MAGI2: variants seen among roughly 807,000 people sequenced by gnomAD.
MAGI2 encodes membrane-associated guanylate kinase, WW and PDZ domain-containing protein 2.
MAGI2 carries 35 observed loss-of-function variants against 133.3 expected under a neutral mutation model. That is an observed-to-expected ratio of 0.26 (90% CI 0.20 to 0.35). MAGI2 has a LOEUF of 0.35. MAGI2 is among the 10% of genes least tolerant of loss of function. The pLI is 1.00. For missense variants in MAGI2, 1,636 were observed against 1,863.4 expected (o/e 0.88, Z 2.25); for synonymous variants, 729 against 710.6 (o/e 1.03, Z -0.41).
intron 1 of MAGI2, among the ~76,000 whole-genome samples, chr7:79,071,602 A>G (rs1020608014): frequency 1.3e-5 from 2 of 150,072 alleles, no homozygotes; most frequent in African/African-American, 2.5e-5. Context: ...TTTTATCTAT[A>G]AGTCCCTGAC....
Position 79,279,194 on chromosome 7 carries a change from C to CA in MAGI2, c.301+173825dup, listed in dbSNP as rs368814665. On this transcript the variant is annotated intron_variant, in intron 1 of 21. Coordinates refer to ENST00000354212, the MANE Select transcript of MAGI2 (RefSeq NM_012301.4). ...GAGTTTTTACAGGCTTCTCTCCTTA[C>CA]AAAAAACGTCCCTCACTTATTTCTA... 2.8e-3 allele frequency among the ~76,000 whole-genome samples: 420 copies of CA among 152,198 alleles called. 3 individuals are homozygous for CA. The highest frequency in any genetic ancestry group is 9.3e-3 in the African/African-American group (385 of 41,528).
intron 2 of MAGI2, among the ~76,000 whole-genome samples, chr7:78,812,586 ATG>A (rs10542588): frequency 0.53 from 79,548 of 149,238 alleles, 22,348 homozygotes; most frequent in Non-Finnish European, 0.64. Flanking sequence ...ATATGTATGT[ATG>A]TGTGTGTGTG....
chr7:78,526,964 C>T (rs542614640), intron 3 of MAGI2, among the ~76,000 whole-genome samples: 2 of 131,948 alleles, frequency 1.5e-5, no homozygotes, highest in South Asian at 2.4e-4. Context: ...GCCGAGATCA[C>T]GCCACTGCAC....
chr7:79,056,341 G>C (rs1403437096), intron 1 of MAGI2, among the ~76,000 whole-genome samples: 1 of 152,048 alleles, frequency 6.6e-6, no homozygotes, highest in Non-Finnish European at 1.5e-5. Context: ...ATTCCAGCCT[G>C]GTAGATTTTT....
At chr7:78,302,253 A>G (rs1797894270) in intron 9 of MAGI2, among the ~76,000 whole-genome samples, 1 of 152,204 alleles carries the variant, frequency 6.6e-6, no homozygotes, top group Admixed American at 6.5e-5. Context: ...TGCCAAACTC[A>G]GTAGACTATG....
At chr7:78,364,040 C>T (rs1352091245) in intron 7 of MAGI2, among the ~76,000 whole-genome samples, 1 of 152,104 alleles carries the variant, frequency 6.6e-6, no homozygotes, top group Non-Finnish European at 1.5e-5. Flanking sequence ...CTCCTCCCTC[C>T]TCCTTCTTCT....
In MAGI2 at chr7:79,453,202, T is replaced by C. The variant is rs1232760090; in HGVS notation, c.119A>G (p.Gln40Arg). 1 of 1,613,882 alleles carries C rather than the reference T, an allele frequency of 6.2e-7. No homozygotes were observed. Among genetic ancestry groups the C allele is most frequent in the Non-Finnish European group, 8.5e-7 (1 of 1,180,046 alleles). The change falls in exon 1 of 22, where the codon CAG becomes CGG. Residue 40 changes from glutamine to arginine, a missense_variant. Gln to Arg is a conservative substitution (Grantham distance 43). Around this residue, in one of 5 missense-constraint regions of MAGI2, gnomAD observed 148 missense variants for 239.0 expected, o/e 0.62. Coordinates refer to ENST00000354212, the MANE Select transcript of MAGI2 (RefSeq NM_012301.4). ...CTTCACCTCCCCCAGGTAGGGGAACTGTCCATTCTCGGCGCCCCCCTTCAG... is the reference window on the plus strand; with the variant it reads ...CTTCACCTCCCCCAGGTAGGGGAACCGTCCATTCTCGGCGCCCCCCTTCAG... ...FELKGGAENG[Q>R]FPYLGEVKPG...
intron 2 of MAGI2, among the ~76,000 whole-genome samples, chr7:78,685,740 G>A (rs1816228081): frequency 1.3e-5 from 2 of 151,678 alleles, no homozygotes; most frequent in South Asian, 4.2e-4. Flanking sequence ...GTAACTGATA[G>A]GTGATAGGGA....
intron 3 of MAGI2, among the ~76,000 whole-genome samples, chr7:78,608,819 TTTCTC>T (rs1391345869): frequency 1.3e-5 from 2 of 152,302 alleles, no homozygotes; most frequent in South Asian, 2.1e-4. Flanking sequence ...TATCACCCCT[TTTCTC>T]TGCTAGTTAG....
intron 5 of MAGI2, among the ~76,000 whole-genome samples, chr7:78,497,746 A>ATG (rs1794233544): frequency 8.6e-6 from 1 of 116,684 alleles, no homozygotes. Context: ...CTATCTATCT[A>ATG]TCTATCTATC....
intron 2 of MAGI2, among the ~76,000 whole-genome samples, chr7:78,777,647 C>T (rs1208586235): frequency 1.3e-5 from 2 of 152,144 alleles, no homozygotes; most frequent in African/African-American, 2.4e-5. Context: ...CTAGCTTTCA[C>T]CATTATTATT....
At chr7:78,991,748 G>T (rs551554426) in intron 2 of MAGI2, among the ~76,000 whole-genome samples, 2 of 152,032 alleles carry the variant, frequency 1.3e-5, no homozygotes, top group South Asian at 2.1e-4. Context: ...CACTGAGAAA[G>T]CTATGGATCC....
At chr7:78,328,532 C>CTCT (rs1554346588) in intron 9 of MAGI2, among the ~76,000 whole-genome samples, 21 of 133,790 alleles carry the variant, frequency 1.6e-4, no homozygotes, top group South Asian at 4.8e-4. Context: ...CACACACACC[C>CTCT]CTCTCTCTCT....
Position 79,230,016 on chromosome 7 carries a change from C to T in MAGI2, c.302-222810G>A, listed in dbSNP as rs531076285. Reference sequence around the variant, plus strand: ...GTCCATGTGATCTCATTGTTCAATTCCCACCTATGAGTGAGAATATGCGGT... The same window carrying T: ...GTCCATGTGATCTCATTGTTCAATTTCCACCTATGAGTGAGAATATGCGGT... On this transcript the variant is annotated intron_variant, in intron 1 of 21. Transcript: ENST00000354212. Among the ~76,000 whole-genome samples, 150 of 141,144 alleles carry T rather than the reference C, an allele frequency of 1.1e-3. 1 individual carries two copies. Among genetic ancestry groups the T allele is most frequent in the Middle Eastern group, 4.0e-3 (1 of 248 alleles). The allele number at this position is 141,144 out of a possible 152,430, so 92.6% of individuals were successfully genotyped here. A position where few individuals can be genotyped will look rare whatever the true frequency, so the allele number is the denominator to read the frequency against.
intron 1 of MAGI2, among the ~76,000 whole-genome samples, chr7:79,364,673 C>T (rs970520071): frequency 2.6e-5 from 4 of 151,832 alleles, no homozygotes; most frequent in Admixed American, 1.3e-4. Context: ...GACAATAGTG[C>T]AAAAGCAATT....
At chr7:78,420,841 C>A (rs2191331) in intron 6 of MAGI2, among the ~76,000 whole-genome samples, 126,020 of 152,132 alleles carry the variant, frequency 0.83, 52,296 homozygotes, top group Non-Finnish European at 0.86. Flanking sequence ...GATTGTAAAC[C>A]GTATTGAGCA....
Position 78,186,312 on chromosome 7 carries a change from T to C in MAGI2, c.2270-642A>G, listed in dbSNP as rs149754127. On this transcript the variant is annotated intron_variant, in intron 12 of 21. Coordinates refer to ENST00000354212, the MANE Select transcript of MAGI2 (RefSeq NM_012301.4). ...TTAAAATGTAGGCATAGCCCACATTTAGAATTCTAGAACCTAGAACAACCT... is the reference window on the plus strand; with the variant it reads ...TTAAAATGTAGGCATAGCCCACATTCAGAATTCTAGAACCTAGAACAACCT... 4.5e-3 allele frequency among the ~76,000 whole-genome samples: 683 copies of C among 152,240 alleles called. 3 individuals carry two copies. The highest frequency in any genetic ancestry group is 0.015 in the African/African-American group (636 of 41,548).
chr7:78,872,612 T>C (rs1444848238), intron 2 of MAGI2, among the ~76,000 whole-genome samples: 1 of 151,590 alleles, frequency 6.6e-6, no homozygotes, highest in Non-Finnish European at 1.5e-5. Context: ...GTAACTGTCC[T>C]TACTGAGTTT....
Position 79,453,251 on chromosome 7 carries a change from G to C in MAGI2, c.70C>G (p.Pro24Ala). ...AGTTCAAAGCCCAGCTGGCCCTCCG[G>C]GTTCCTGCCAATGACACTCTCATGG... is the stretch of plus-strand genomic sequence containing the variant. ...KVHESVIGRNPEGQLGFELKG... is the reference protein window; with the variant it reads ...KVHESVIGRNAEGQLGFELKG... Residue 24 changes from proline to alanine, a missense_variant, in exon 1 of 22, where the codon CCG (proline) becomes GCG (alanine). Transcript: ENST00000354212. 1.2e-6 allele frequency: 2 copies of C among 1,613,868 alleles called. No individual in the cohort carries two copies. Among genetic ancestry groups the C allele is most frequent in the Non-Finnish European group, 1.7e-6 (2 of 1,180,026 alleles).
Sources: allele counts gnomAD v4.1 joint callset (sites outside exome capture counted in the v4.1 genomes callset), GRCh38; gene constraint gnomAD v4.1.1; regional missense constraint gnomAD v4.1.1; transcripts MANE v1.5; gene names NCBI Gene and HGNC (gene_info 2026-07-23, HGNC 2026-07-21).